NNT: variants seen among roughly 807,000 people sequenced by gnomAD.
NNT encodes nicotinamide nucleotide transhydrogenase, also known as NAD(P) transhydrogenase, mitochondrial.
NNT carries 50 observed loss-of-function variants against 104.8 expected under a neutral mutation model. The observed-to-expected ratio is 0.48, with a 90% CI of 0.38 to 0.60. NNT has a LOEUF of 0.60. Among genes scored for constraint, NNT ranks in the 20% least tolerant of loss-of-function variants. The pLI is 0.00. For synonymous variants in NNT, 461 were observed against 490.4 expected (o/e 0.94, Z 0.79); for missense variants, 1,131 against 1,330.7 (o/e 0.85, Z 2.33).
intron 6 of NNT, among the ~76,000 whole-genome samples, chr5:43,625,727 G>A (rs75521537): frequency 0.069 from 10,565 of 152,016 alleles, 637 homozygotes; most frequent in African/African-American, 0.16. Flanking sequence ...CCTAATGCTT[G>A]TATCACAAAG....
intron 17 of NNT, among the ~76,000 whole-genome samples, chr5:43,665,592 T>C (rs1740604444): frequency 6.6e-6 from 1 of 152,236 alleles, no homozygotes; most frequent in Non-Finnish European, 1.5e-5. Flanking sequence ...AGAAGAATTT[T>C]TCTTAGTACA....
In NNT at chr5:43,680,591, A is replaced by G. The variant is rs1380171666; in HGVS notation, c.2876+2785A>G. On this transcript the variant is annotated intron_variant, in intron 19 of 21. Coordinates refer to ENST00000344920, the MANE Select transcript of NNT (RefSeq NM_182977.3). ...CCCAAGTGGTGCCAAGAAAAATCGC[A>G]TCTGTCATACAGTCTGTCTGGCTTC... Among the ~76,000 whole-genome samples the G allele has an allele frequency of 2.0e-5, 3 of 152,286 alleles. No individual in the cohort carries two copies. In the East Asian group the frequency reaches 5.8e-4, roughly 29 times the overall value.
intron 6 of NNT, among the ~76,000 whole-genome samples, chr5:43,624,776 A>G (rs1750277888): frequency 6.6e-6 from 1 of 152,208 alleles, no homozygotes; most frequent in South Asian, 2.1e-4. Context: ...ATTTTATTAA[A>G]TGTCAGTCGA....
At chr5:43,671,382 T>C (rs192986747) in intron 17 of NNT, among the ~76,000 whole-genome samples, 31 of 152,362 alleles carry the variant, frequency 2.0e-4, no homozygotes, top group Admixed American at 1.7e-3. Context: ...CTAGCCTCGA[T>C]GGTCTTTACA....
rs191506527 is a variant in NNT, at chr5:43,674,083, A to G, written c.2635-1428A>G. Among the ~76,000 whole-genome samples, 111 of 152,172 alleles carry G rather than the reference A, an allele frequency of 7.3e-4. 1 individual carries two copies. The highest frequency in any genetic ancestry group is 1.4e-3 in the Non-Finnish European group (94 of 67,998). On this transcript the variant is annotated intron_variant, in intron 17 of 21. Coordinates refer to ENST00000344920, the MANE Select transcript of NNT (RefSeq NM_182977.3). ...CCTCTTATCCTTTAATAATACACGTAAAGACATTTCAGGTTTTATTTTGTA... is the reference window on the plus strand; with the variant it reads ...CCTCTTATCCTTTAATAATACACGTGAAGACATTTCAGGTTTTATTTTGTA...
intron 4 of NNT, among the ~76,000 whole-genome samples, chr5:43,617,841 G>A (rs951457514): frequency 3.9e-5 from 6 of 152,196 alleles, no homozygotes; most frequent in Non-Finnish European, 8.8e-5. Context: ...GAGAGCAACA[G>A]ATACTGTAAT....
At chr5:43,613,872 G>T (rs1749636611) in intron 3 of NNT, among the ~76,000 whole-genome samples, 1 of 151,646 alleles carries the variant, frequency 6.6e-6, no homozygotes. Flanking sequence ...ATTTCTATGA[G>T]GTATCAATCA....
At chr5:43,661,385 T>C (rs1251721344) in intron 17 of NNT, among the ~76,000 whole-genome samples, 3 of 148,366 alleles carry the variant, frequency 2.0e-5, no homozygotes, top group Admixed American at 1.3e-4. Context: ...TGTCAGAAAG[T>C]GGCTTTTATT....
At chr5:43,662,966 A>G (rs538824440) in intron 17 of NNT, among the ~76,000 whole-genome samples, 1 of 152,176 alleles carries the variant, frequency 6.6e-6, no homozygotes, top group Admixed American at 6.5e-5. Flanking sequence ...AGAAAAGGAT[A>G]AATAAAAAAA....
Position 43,635,329 on chromosome 5 carries a change from A to G in NNT, c.964+6942A>G, listed in dbSNP as rs536150703. On this transcript the variant is annotated intron_variant, in intron 7 of 21. Coordinates refer to ENST00000344920, the MANE Select transcript of NNT (RefSeq NM_182977.3). ...TTGCCATCATCATTATGAGGCTATGAAGGTTGCTCTGGGACTGTCTCTATT... is the reference window on the plus strand; with the variant it reads ...TTGCCATCATCATTATGAGGCTATGGAGGTTGCTCTGGGACTGTCTCTATT... Among the ~76,000 whole-genome samples the G allele has an allele frequency of 1.3e-3, 203 of 152,264 alleles. 1 individual carries two copies. Among genetic ancestry groups the G allele is most frequent in the African/African-American group, 4.8e-3 (198 of 41,562 alleles).
chr5:43,627,654 G>C (rs1320003148), intron 6 of NNT, among the ~76,000 whole-genome samples: 1 of 152,044 alleles, frequency 6.6e-6, no homozygotes, highest in Non-Finnish European at 1.5e-5. Flanking sequence ...ATTTAAATGT[G>C]TTGGCTTTTC....
intron 19 of NNT, among the ~76,000 whole-genome samples, chr5:43,691,990 G>T (rs1232520976): frequency 2.0e-5 from 3 of 152,174 alleles, no homozygotes; most frequent in Non-Finnish European, 4.4e-5. Flanking sequence ...CAGAGATTTG[G>T]ATGTTAAACT....
intron 17 of NNT, among the ~76,000 whole-genome samples, chr5:43,666,587 AGGGAGG>A (rs909281488): frequency 2.3e-5 from 2 of 88,798 alleles, no homozygotes; most frequent in African/African-American, 8.3e-5. Flanking sequence ...CCGAGCAGAG[AGGGAGG>A]GGGAGGGGGA....
chr5:43,612,114 G>A (rs1325522404), intron 2 of NNT, among the ~76,000 whole-genome samples: 3 of 152,046 alleles, frequency 2.0e-5, no homozygotes, highest in African/African-American at 7.2e-5. Flanking sequence ...TTCTATCACT[G>A]TTACTGCTGA....
chr5:43,643,827 G>C (rs1050320283), intron 7 of NNT, among the ~76,000 whole-genome samples: 12 of 152,202 alleles, frequency 7.9e-5, no homozygotes, highest in African/African-American at 2.9e-4. Flanking sequence ...GGTGCATATA[G>C]TTTCCATAGT....
intron 7 of NNT, among the ~76,000 whole-genome samples, chr5:43,634,102 T>C (rs1750815897): frequency 1.3e-5 from 2 of 152,240 alleles, no homozygotes; most frequent in Non-Finnish European, 2.9e-5. Flanking sequence ...TTTTTGTTTT[T>C]ATCTATACTT....
intron 6 of NNT, among the ~76,000 whole-genome samples, chr5:43,626,350 T>C (rs993010630): frequency 1.3e-5 from 2 of 152,170 alleles, no homozygotes; most frequent in South Asian, 2.1e-4. Flanking sequence ...CTGTCTTTTA[T>C]AAGGGGCTTG....
intron 19 of NNT, among the ~76,000 whole-genome samples, chr5:43,682,208 CTTTTTTTTTTTTT>C: frequency 1.0e-5 from 1 of 100,248 alleles, no homozygotes; most frequent in South Asian, 3.4e-4. Context: ...TAACTGGATT[CTTTTTTTTTTTTT>C]TTTTTTTTTG....
chr5:43,646,448 C>T (rs1186952710), intron 10 of NNT, among the ~76,000 whole-genome samples: 1 of 151,424 alleles, frequency 6.6e-6, no homozygotes, highest in Non-Finnish European at 1.5e-5. Context: ...TGCCACCACG[C>T]CCAGCTAATT....
Sources: gnomAD v4.1 joint callset for allele counts (sites outside exome capture counted in the v4.1 genomes callset) on GRCh38, gnomAD v4.1.1 for gene constraint, MANE v1.5 for transcripts, NCBI Gene and HGNC (gene_info 2026-07-23, HGNC 2026-07-21) for gene names.